FAT4: variants seen among roughly 807,000 people sequenced by gnomAD.
FAT4 encodes the protein FAT atypical cadherin 4, also known as protocadherin Fat 4.
In FAT4, 84 loss-of-function variants were observed where a neutral mutation model predicts 303.9. The ratio of observed to expected loss-of-function variants is 0.28; its 90% confidence interval spans 0.23 to 0.33. FAT4 has a LOEUF of 0.33. Ranked by LOEUF, FAT4 falls within the 10% of genes least tolerant of loss-of-function variation. FAT4 has a pLI of 1.00. For missense variants in FAT4, 6,005 were observed against 6,146.8 expected (o/e 0.98, Z 0.77); for synonymous variants, 2,307 against 2,298.8 (o/e 1.00, Z -0.10).
chr4:125,357,097 TG>T (rs1732458098), intron 2 of FAT4, among the ~76,000 whole-genome samples: 1 of 152,066 alleles, frequency 6.6e-6, no homozygotes, highest in Non-Finnish European at 1.5e-5. Flanking sequence ...TAGCATATAA[TG>T]TATTCCATAT....
rs1348133196 is a variant in FAT4 at position 125,314,996 on chromosome 4, T to A, written c.-994T>A. On this transcript the variant is annotated 5_prime_UTR_variant, in exon 1 of 18. The change abolishes the stop of an existing upstream ORF in the 5' untranslated region. Transcript: ENST00000394329. ...ATCAATGAGTGTCGAGCAAAGTTTC[T>A]GAGTGCTGCTCCAGCTCGCGGTCTT... 6.6e-6 allele frequency among the ~76,000 whole-genome samples: 1 copy of A among 152,156 alleles called. No homozygotes were observed. Among genetic ancestry groups the A allele is most frequent in the Non-Finnish European group, 1.5e-5 (1 of 68,046 alleles).
At chr4:125,367,091 C>G (rs561868110) in intron 2 of FAT4, among the ~76,000 whole-genome samples, 3 of 152,004 alleles carry the variant, frequency 2.0e-5, no homozygotes, top group Non-Finnish European at 2.9e-5. Flanking sequence ...CATACAGAAG[C>G]TTTTCTTTAG....
intron 2 of FAT4, among the ~76,000 whole-genome samples, chr4:125,353,334 C>A (rs573152860): frequency 6.6e-6 from 1 of 151,766 alleles, no homozygotes; most frequent in African/African-American, 2.4e-5. Context: ...TGTTAGGCAT[C>A]ATCTCAACAT....
intron 3 of FAT4, among the ~76,000 whole-genome samples, chr4:125,404,996 C>CT (rs529702530): frequency 0.032 from 4,512 of 141,682 alleles, 123 homozygotes; most frequent in African/African-American, 0.075. Context: ...TCTCAAATTC[C>CT]TTTTTTTTTT....
chr4:125,437,277 C>T lies in FAT4; in HGVS notation c.7199+2852C>T, dbSNP rs576283515. On this transcript the variant is annotated intron_variant, in intron 8 of 17. Coordinates refer to ENST00000394329, the MANE Select transcript of FAT4 (RefSeq NM_001291303.3). ...GAACCAGTCACTGGGAATTCTCCAA[C>T]ACTTTAAAGGTAGGTTTAGGAGGAA... Among the ~76,000 whole-genome samples, 9 of 152,218 alleles carry T rather than the reference C, an allele frequency of 5.9e-5. No individual in the cohort carries two copies. The South Asian group carries it at 1.5e-3, about 25-fold the overall frequency.
At chr4:125,362,386 G>T (rs1378080888) in intron 2 of FAT4, among the ~76,000 whole-genome samples, 1 of 152,094 alleles carries the variant, frequency 6.6e-6, no homozygotes, top group Admixed American at 6.6e-5. Flanking sequence ...TACATTGAAA[G>T]ATATTAGTTG....
chr4:125,429,431 A>G (rs1199172324), intron 7 of FAT4, among the ~76,000 whole-genome samples: 1 of 152,220 alleles, frequency 6.6e-6, no homozygotes, highest in Non-Finnish European at 1.5e-5. Context: ...AATAATATAG[A>G]GCAAAACATC....
rs1440110576 is a variant in FAT4 at position 125,450,849 on chromosome 4, G to T, written c.9839G>T (p.Arg3280Met). The T allele has an allele frequency of 1.9e-6, 3 of 1,614,100 alleles. No homozygotes were observed. Among genetic ancestry groups the T allele is most frequent in the East Asian group, 4.5e-5 (2 of 44,866 alleles). The change falls in exon 10 of 18, where the codon AGG (arginine) becomes ATG (methionine). Residue 3280 changes from arginine (R) to methionine (M), a missense_variant. Arg to Met is a moderately conservative substitution (Grantham distance 91, BLOSUM62 -1). Coordinates refer to ENST00000394329, the MANE Select transcript of FAT4 (RefSeq NM_001291303.3). ...VKAFNVPDEE[R>M]CSFATVNIQL... is the part of the protein sequence containing the mutation. ...GCCTTCAATGTCCCCGATGAGGAAAGGTGTAGCTTTGCCACTGTTAATATA... is the reference window on the plus strand; with the variant it reads ...GCCTTCAATGTCCCCGATGAGGAAATGTGTAGCTTTGCCACTGTTAATATA...
At chr4:125,371,003 C>T (rs898635544) in intron 2 of FAT4, among the ~76,000 whole-genome samples, 4 of 151,922 alleles carry the variant, frequency 2.6e-5, no homozygotes, top group Non-Finnish European at 5.9e-5. Context: ...AAAAAATTAG[C>T]CAGGCCTGGT....
intron 10 of FAT4, among the ~76,000 whole-genome samples, chr4:125,457,136 C>CAT (rs1322497893): frequency 8.3e-6 from 1 of 121,090 alleles, no homozygotes; most frequent in African/African-American, 3.1e-5. Flanking sequence ...CACACACACA[C>CAT]ACACACACAC....
chr4:125,421,366 A>C (rs1042381111), intron 7 of FAT4, among the ~76,000 whole-genome samples: 1 of 152,214 alleles, frequency 6.6e-6, no homozygotes, highest in Non-Finnish European at 1.5e-5. Flanking sequence ...CCATCATTTC[A>C]CACCAACTTA....
At chr4:125,480,783 A>G (rs2126086649) in intron 15 of FAT4, among the ~76,000 whole-genome samples, 1 of 152,264 alleles carries the variant, frequency 6.6e-6, no homozygotes, top group Non-Finnish European at 1.5e-5. Context: ...CTGAAATATG[A>G]GTCATTGGCT....
chr4:125,404,163 A>T (rs1734496951), intron 3 of FAT4, among the ~76,000 whole-genome samples: 1 of 152,086 alleles, frequency 6.6e-6, no homozygotes, highest in African/African-American at 2.4e-5. Flanking sequence ...TACGTAGGAA[A>T]TCACCCCCAT....
intron 11 of FAT4, among the ~76,000 whole-genome samples, chr4:125,465,936 A>G (rs146257047): frequency 6.6e-6 from 1 of 152,310 alleles, no homozygotes; most frequent in East Asian, 1.9e-4. Flanking sequence ...TGGAATGTGG[A>G]TGAAAGGTAC....
In FAT4 at chr4:125,414,999, C is replaced by T; in HGVS notation, c.6036C>T (p.Ser2012=). 6.2e-7 allele frequency: 1 copy of T among 1,613,980 alleles called. No homozygotes were observed. Among genetic ancestry groups the T allele is most frequent in the Non-Finnish European group, 8.5e-7 (1 of 1,179,948 alleles). ...AAGCTTTGGATCGGGAAAGTCAGTC[C>T]TTCTACAACTTGGTTGTTCAAGTGC... is the stretch of plus-strand genomic sequence containing the variant. ...VLKALDRESQ[S]FYNLVVQVHD... is the part of the protein sequence containing the mutation. The change falls in exon 6 of 18, where the codon TCC becomes TCT. Residue 2012 remains serine, a synonymous_variant. Coordinates refer to ENST00000394329, the MANE Select transcript of FAT4 (RefSeq NM_001291303.3).
chr4:125,476,459 A>G (rs1727032611), intron 13 of FAT4, among the ~76,000 whole-genome samples: 1 of 152,196 alleles, frequency 6.6e-6, no homozygotes, highest in African/African-American at 2.4e-5. Flanking sequence ...GGTAGAAATA[A>G]GGATAAAATT....
At position 125,450,527 on chromosome 4, in the gene FAT4, T is replaced by C. The variant is rs1304282640; in HGVS notation, c.9517T>C (p.Trp3173Arg). 1 of 1,614,126 alleles carries C rather than the reference T, an allele frequency of 6.2e-7. No homozygotes were observed. The highest frequency in any genetic ancestry group is 8.5e-7 in the Non-Finnish European group (1 of 1,180,010). ...GACGATTAGTGCTATAGATGGAGGA[T>C]GGGTTGCAAGAACTGGTTACTGCAG... ...EMTISAIDGG[W>R]VARTGYCSVT... Residue 3173 changes from tryptophan (W) to arginine (R), a missense_variant, in exon 10 of 18, where the codon TGG becomes CGG. Trp to Arg is a moderately radical substitution (Grantham distance 101, BLOSUM62 -3). Transcript: ENST00000394329.
chr4:125,413,811 G>A (rs1734936656), intron 5 of FAT4, among the ~76,000 whole-genome samples: 1 of 151,952 alleles, frequency 6.6e-6, no homozygotes, highest in Admixed American at 6.6e-5. Flanking sequence ...TGCCAAAAGT[G>A]AACATCACTT....
At chr4:125,468,848 A>G (rs1726764416) in intron 12 of FAT4, 29 bp downstream of exon 12, 2 of 1,584,872 alleles carry the variant, frequency 1.3e-6, no homozygotes, top group South Asian at 1.1e-5. Context: ...TTGTTGTTGT[A>G]TATCCAACTG....
Sources: gnomAD v4.1 joint callset for allele counts (sites outside exome capture counted in the v4.1 genomes callset) on GRCh38, gnomAD v4.1.1 for gene constraint, MANE v1.5 for transcripts, NCBI Gene and HGNC (gene_info 2026-07-23, HGNC 2026-07-21) for gene names.